Variants in METTL15 observed in about 807,000 individuals in gnomAD.
The protein encoded by METTL15 is methyltransferase 15, mitochondrial 12S rRNA N4-cytidine.
In METTL15, 34 loss-of-function variants were observed where a neutral mutation model predicts 38.3. The ratio of observed to expected loss-of-function variants is 0.89; its 90% CI spans 0.68 to 1.18. The LOEUF is 1.18. Among genes scored for constraint, METTL15 ranks in the 50% most tolerant of loss-of-function variants. The pLI is 0.00. For synonymous variants in METTL15, 162 were observed against 170.9 expected (o/e 0.95, Z 0.41); for missense variants, 438 against 498.4 (o/e 0.88, Z 1.15).
At chr11:28,260,236 A>G (rs938671790) in intron 4 of METTL15, among the ~76,000 whole-genome samples, 2 of 152,288 alleles carry the variant, frequency 1.3e-5, no homozygotes, top group South Asian at 4.1e-4. Context: ...TTCCTTTTGC[A>G]TAGAACGTTC....
chr11:28,329,492 C>G (rs894000433), intron 6 of METTL15, among the ~76,000 whole-genome samples: 2 of 152,060 alleles, frequency 1.3e-5, no homozygotes, highest in African/African-American at 4.8e-5. Flanking sequence ...ACAAAGAAGT[C>G]AGCTGGAATT....
rs1373575332 is a variant in METTL15 at position 28,331,289 on chromosome 11, C to G, written c.*448C>G. On this transcript the variant is annotated 3_prime_UTR_variant, in exon 7 of 7. Transcript: ENST00000407364. The stretch of plus-strand genomic sequence containing the variant: ...GATTATGGAATGAATTTTAATGTCC[C>G]TACTTGTGAATAATTAGCTTTCTCA... 1 of 147,472 alleles carries G rather than the reference C, an allele frequency of 6.8e-6. No homozygotes were observed. The highest frequency in any genetic ancestry group is 2.5e-5 in the African/African-American group (1 of 39,930). 9.1% of individuals were successfully genotyped at this position (147,472 alleles called of 1,614,324 possible). A position where few individuals can be genotyped will look rare whatever the true frequency, so the allele number is the denominator to read the frequency against.
At chr11:28,377,908 C>G (rs1193322275) in intron 5 of METTL15, among the ~76,000 whole-genome samples, 1 of 152,070 alleles carries the variant, frequency 6.6e-6, no homozygotes, top group East Asian at 1.9e-4. Context: ...TGTTGGAGTA[C>G]CCTGCAGTGT....
intron 6 of METTL15, among the ~76,000 whole-genome samples, chr11:28,320,261 G>A (rs1167075155): frequency 6.7e-6 from 1 of 149,592 alleles, no homozygotes; most frequent in South Asian, 2.1e-4. Context: ...GCCTTGTAGA[G>A]CCGTGCTTAA....
chr11:28,138,765 C>T (rs1051044836), intron 3 of METTL15, among the ~76,000 whole-genome samples: 1 of 152,170 alleles, frequency 6.6e-6, no homozygotes, highest in Non-Finnish European at 1.5e-5. Flanking sequence ...CAAGGTCAAG[C>T]TCCCAAGGAC....
intron 4 of METTL15, among the ~76,000 whole-genome samples, chr11:28,238,498 G>A (rs1854130404): frequency 6.6e-6 from 1 of 152,150 alleles, no homozygotes; most frequent in Non-Finnish European, 1.5e-5. Flanking sequence ...GATTTTCCAG[G>A]TGCCATCTGT....
Position 28,290,215 on chromosome 11 carries a change from C to T in METTL15, c.417C>T (p.Ile139=). Residue 139 remains isoleucine, a synonymous_variant, in exon 5 of 7, where the codon ATC becomes ATT. Coordinates refer to ENST00000407364, the MANE Select transcript of METTL15 (RefSeq NM_001113528.2). ...EHLSELYPKQ[I]RAMLGQFSQA... ...CTGGGTTTACTCACAGTAAACAAAT[C>T]CGAGCTATGCTGGGCCAGTTCAGCC... The T allele has an allele frequency of 6.2e-7, 1 of 1,608,312 alleles. No individual in the cohort carries two copies. The highest frequency in any genetic ancestry group is 8.5e-7 in the Non-Finnish European group (1 of 1,177,298).
intron 4 of METTL15, among the ~76,000 whole-genome samples, chr11:28,238,549 T>C (rs974940202): frequency 4.6e-5 from 7 of 152,192 alleles, no homozygotes; most frequent in Non-Finnish European, 8.8e-5. Flanking sequence ...CCCTGACCCC[T>C]TGCACTTCCC....
chr11:28,436,427 C>A (rs1850982411), intron 6 of METTL15, among the ~76,000 whole-genome samples: 2 of 152,174 alleles, frequency 1.3e-5, no homozygotes, highest in African/African-American at 4.8e-5. Flanking sequence ...GAAGATTTTG[C>A]AGATCTGAGC....
At chr11:28,475,365 T>A (rs780771547) in intron 6 of METTL15, among the ~76,000 whole-genome samples, 1 of 56,380 alleles carries the variant, frequency 1.8e-5, no homozygotes, top group Non-Finnish European at 3.4e-5. Context: ...TCAGGTAGCA[T>A]AGAATTATTC....
At chr11:28,290,842 G>A (rs1856483487) in intron 5 of METTL15, among the ~76,000 whole-genome samples, 1 of 150,786 alleles carries the variant, frequency 6.6e-6, no homozygotes, top group East Asian at 1.9e-4. Flanking sequence ...GTCAGTAAGT[G>A]TGTTTTGTCC....
chr11:28,395,264 C>G (rs1179816278), intron 5 of METTL15, among the ~76,000 whole-genome samples: 1 of 152,024 alleles, frequency 6.6e-6, no homozygotes, highest in African/African-American at 2.4e-5. Flanking sequence ...AGAGGTGTGC[C>G]AGTCAGCAAA....
At chr11:28,470,073 T>C (rs1284919573) in intron 6 of METTL15, among the ~76,000 whole-genome samples, 1 of 152,106 alleles carries the variant, frequency 6.6e-6, no homozygotes, top group Non-Finnish European at 1.5e-5. Flanking sequence ...ATGTAGACTC[T>C]CTTACTAGAG....
intron 4 of METTL15, among the ~76,000 whole-genome samples, chr11:28,212,881 T>C (rs1468193403): frequency 6.6e-6 from 1 of 152,196 alleles, no homozygotes; most frequent in Non-Finnish European, 1.5e-5. Context: ...ATCCAATGAT[T>C]TCAGTGGCTC....
chr11:28,116,126 AT>A (rs1256738800), intron 3 of METTL15, among the ~76,000 whole-genome samples: 1 of 152,152 alleles, frequency 6.6e-6, no homozygotes, highest in African/African-American at 2.4e-5. Context: ...ATTAAATTAA[AT>A]AAGGTCTTAG....
intron 5 of METTL15, among the ~76,000 whole-genome samples, chr11:28,414,668 C>T (rs185000705): frequency 1.4e-3 from 216 of 152,254 alleles, no homozygotes; most frequent in Non-Finnish European, 2.0e-3. Flanking sequence ...TTTTTGAGAA[C>T]TTCACAGAAC....
intron 6 of METTL15, among the ~76,000 whole-genome samples, chr11:28,315,252 A>G (rs1267895762): frequency 1.3e-5 from 2 of 152,184 alleles, no homozygotes; most frequent in African/African-American, 4.8e-5. Context: ...TATGGATAAT[A>G]AAGTCCAGGC....
At chr11:28,201,610 G>GGTGTGTATGTGTGTGTGTGTGTGT (rs1554997843) in intron 3 of METTL15, among the ~76,000 whole-genome samples, 2 of 145,564 alleles carry the variant, frequency 1.4e-5, no homozygotes, top group East Asian at 4.1e-4. Flanking sequence ...GTCTTGGGAG[G>GGTGTGTATGTGTGTGTGTGTGTGT]GTGTGTGTGT....
chr11:28,375,283 A>G (rs1009763490), intron 5 of METTL15, among the ~76,000 whole-genome samples: 1 of 144,818 alleles, frequency 6.9e-6, no homozygotes, highest in African/African-American at 2.6e-5. Context: ...TCAGCTGTGA[A>G]TCCATCTGGT....
Sources: gnomAD v4.1 joint callset for allele counts (sites outside exome capture counted in the v4.1 genomes callset) on GRCh38, gnomAD v4.1.1 for gene constraint, MANE v1.5 for transcripts, NCBI Gene and HGNC (gene_info 2026-07-23, HGNC 2026-07-21) for gene names.